The following PCDHGB3 variants were observed in gnomAD, a reference collection of about 807,000 sequenced individuals.
PCDHGB3 encodes the protein protocadherin gamma subfamily B, 3, also known as protocadherin gamma-B3.
A neutral mutation model predicts 59.2 loss-of-function variants in PCDHGB3; 40 were observed. That is an observed-to-expected ratio of 0.68 (90% CI 0.52 to 0.88). The LOEUF is 0.88. PCDHGB3 is among the 40% of genes least tolerant of loss of function. The probability of loss-of-function intolerance (pLI) is 0.00; values close to 1 mark genes in which losing one functional copy is unlikely to be tolerated. For missense variants in PCDHGB3, 1,309 were observed against 1,187.9 expected (o/e 1.10, Z -1.50); for synonymous variants, 581 against 503.6 (o/e 1.15, Z -2.06).
chr5:141,404,928 C>A lies in PCDHGB3; in HGVS notation c.2415+32119C>A, dbSNP rs145718404. The stretch of plus-strand genomic sequence containing the variant: ...CAGCCCCCTCTCTCGGCCACTGTCA[C>A]GCTCACAGTAGCCATAGCTGACAGC... On this transcript the variant is annotated intron_variant, in intron 1 of 3. Coordinates refer to ENST00000576222, the MANE Select transcript of PCDHGB3 (RefSeq NM_018924.5). The A allele has an allele frequency of 1.9e-6, 3 of 1,613,866 alleles. No individual in the cohort carries two copies. In the South Asian group the frequency reaches 3.3e-5, roughly 18 times the overall value.
At chr5:141,384,879 C>T (rs771003299) in intron 1 of PCDHGB3, 1 of 1,613,874 alleles carries the variant, frequency 6.2e-7, no homozygotes, top group Middle Eastern at 1.6e-4. Context: ...CCGTCACACT[C>T]ACCGTGGCTG....
In PCDHGB3 at chr5:141,431,628, A is replaced by C. The variant is rs1204083567; in HGVS notation, c.2415+58819A>C. Reference sequence around the variant, plus strand: ...CGGTATGTGGACGACAAGGCGGCCCAAGTTTTCAAACTAGATTGTAATTCA... The same window carrying C: ...CGGTATGTGGACGACAAGGCGGCCCCAGTTTTCAAACTAGATTGTAATTCA... On this transcript the variant is annotated intron_variant, in intron 1 of 3. Coordinates refer to ENST00000576222, the MANE Select transcript of PCDHGB3 (RefSeq NM_018924.5). The surrounding 1 kb of genome is among the most constrained non-coding windows in gnomAD (Gnocchi z 4.8). 1 of 1,614,256 alleles carries C rather than the reference A, an allele frequency of 6.2e-7. No individual in the cohort carries two copies. The highest frequency in any genetic ancestry group is 8.5e-7 in the Non-Finnish European group (1 of 1,180,050).
At chr5:141,401,610 A>AC (rs1186420148) in intron 1 of PCDHGB3, among the ~76,000 whole-genome samples, 1 of 152,212 alleles carries the variant, frequency 6.6e-6, no homozygotes, top group Non-Finnish European at 1.5e-5. Flanking sequence ...GGAAAAAGAC[A>AC]CCGGATTTGT....
At chr5:141,447,696 G>A (rs1273958794) in intron 1 of PCDHGB3, among the ~76,000 whole-genome samples, 1 of 152,096 alleles carries the variant, frequency 6.6e-6, no homozygotes, top group Non-Finnish European at 1.5e-5. Context: ...TAGAGGGATG[G>A]GTTATAAGGA....
At position 141,418,922 on chromosome 5, in the gene PCDHGB3, C is replaced by G. The variant is rs180948941; in HGVS notation, c.2415+46113C>G. The G allele has an allele frequency of 3.7e-6, 6 of 1,613,994 alleles. 1 individual carries two copies. In the Admixed American group the frequency reaches 6.7e-5, roughly 18 times the overall value. On this transcript the variant is annotated intron_variant, in intron 1 of 3. Coordinates refer to ENST00000576222, the MANE Select transcript of PCDHGB3 (RefSeq NM_018924.5). ...AATAATCATCACGTCACTCTCTGAT[C>G]AGATTATGGAGGATTCCCCTCCAGG...
intron 1 of PCDHGB3, chr5:141,427,017 TAC>T (rs764268354): frequency 2.2e-5 from 10 of 456,792 alleles, no homozygotes; most frequent in South Asian, 1.4e-4. Context: ...CCAGGATGTA[TAC>T]AAAGTCAGCC....
Position 141,404,312 on chromosome 5 carries a change from C to T in PCDHGB3, c.2415+31503C>T. On this transcript the variant is annotated intron_variant, in intron 1 of 3. Transcript: ENST00000576222. ...CAATGATAATCCACCTGCTTTCTCT[C>T]AAGCCTCCTACTCAGTCTACCTCCC... is the stretch of plus-strand genomic sequence containing the variant. 1.9e-6 allele frequency: 3 copies of T among 1,613,956 alleles called. No individual in the cohort carries two copies. The Middle Eastern group carries it at 4.9e-4, about 266-fold the overall frequency.
At chr5:141,392,694 CCT>C in intron 1 of PCDHGB3, 4 of 1,186,390 alleles carry the variant, frequency 3.4e-6, no homozygotes, top group Non-Finnish European at 4.6e-6. Flanking sequence ...AAACCCGACC[CCT>C]GTTTGGAGGC....
rs114740440 is a variant in PCDHGB3 at position 141,426,595 on chromosome 5, C to T, written c.2415+53786C>T. The T allele has an allele frequency of 4.0e-3, 1,518 of 375,912 alleles. 5 individuals carry two copies. Among genetic ancestry groups the T allele is most frequent in the Non-Finnish European group, 5.9e-3 (1,105 of 185,722 alleles). 23.3% of individuals were successfully genotyped at this position (375,912 alleles called of 1,614,324 possible). ...GTCTTCAAAATCCTCTGTGTCATAC[C>T]CTTAGAGATTGTAGCAGAGAATCCT... On this transcript the variant is annotated intron_variant, in intron 1 of 3. Coordinates refer to ENST00000576222, the MANE Select transcript of PCDHGB3 (RefSeq NM_018924.5).
chr5:141,419,809 A>G (rs1181621732), intron 1 of PCDHGB3: 2 of 1,613,916 alleles, frequency 1.2e-6, no homozygotes, highest in African/African-American at 2.7e-5. Flanking sequence ...GAGATGGAGG[A>G]CAGCCACCCC....
chr5:141,446,692 G>T (rs543476108), intron 1 of PCDHGB3, among the ~76,000 whole-genome samples: 2 of 152,280 alleles, frequency 1.3e-5, no homozygotes, highest in African/African-American at 4.8e-5. Context: ...TGGCCAGGCT[G>T]GTCTCGAACT....
At chr5:141,383,695 G>A (rs373055594) in intron 1 of PCDHGB3, 5 of 1,613,974 alleles carry the variant, frequency 3.1e-6, no homozygotes, top group Non-Finnish European at 3.4e-6. Flanking sequence ...CACGGTACAT[G>A]CTATCGACCT....
chr5:141,452,884 A>C (rs746547069), intron 1 of PCDHGB3, among the ~76,000 whole-genome samples: 1 of 152,204 alleles, frequency 6.6e-6, no homozygotes, highest in Non-Finnish European at 1.5e-5. Flanking sequence ...GTAATAATTT[A>C]TTCCACTTTT....
intron 1 of PCDHGB3, chr5:141,391,235 G>A (rs939140536): frequency 6.6e-6 from 1 of 151,890 alleles, no homozygotes; most frequent in Admixed American, 6.6e-5. Flanking sequence ...CTTTTGCTAG[G>A]TATATCTAAG....
rs60063068 is a variant in PCDHGB3, at chr5:141,477,262, C to T, written c.2416-17545C>T. The T allele has an allele frequency of 1.9e-4, 313 of 1,614,138 alleles. No individual in the cohort carries two copies. In the African/African-American group the frequency reaches 3.7e-3, roughly 19 times the overall value. On this transcript the variant is annotated intron_variant, in intron 1 of 3. Coordinates refer to ENST00000576222, the MANE Select transcript of PCDHGB3 (RefSeq NM_018924.5). This position sits in a 1 kb window ranked among gnomAD's most constrained non-coding sequence, Gnocchi z 4.9. ...TCAGTGTGACTGACCTGGATGCTGG[C>T]GAGAACGGGCTGGTGACCTGCGAAG...
At chr5:141,501,016 G>A (rs1042009106) in intron 2 of PCDHGB3, among the ~76,000 whole-genome samples, 7 of 151,716 alleles carry the variant, frequency 4.6e-5, no homozygotes, top group Non-Finnish European at 1.0e-4. Context: ...CTACAGGCAC[G>A]CGCCACCACG....
chr5:141,485,821 T>C lies in PCDHGB3; in HGVS notation c.2416-8986T>C, dbSNP rs765768266. 4 of 1,614,134 alleles carry C rather than the reference T, an allele frequency of 2.5e-6. No homozygotes were observed. Among genetic ancestry groups the C allele is most frequent in the Admixed American group, 1.7e-5 (1 of 60,014 alleles). ...ACCGCCTGGTGCTGACTGCTGTCGATGGAGGGAACCCGCCGAGATCTGGCA... is the reference window on the plus strand; with the variant it reads ...ACCGCCTGGTGCTGACTGCTGTCGACGGAGGGAACCCGCCGAGATCTGGCA... On this transcript the variant is annotated intron_variant, in intron 1 of 3. Coordinates refer to ENST00000576222, the MANE Select transcript of PCDHGB3 (RefSeq NM_018924.5). This position sits in a 1 kb window ranked among gnomAD's most constrained non-coding sequence, Gnocchi z 5.7.
chr5:141,374,941 A>G, intron 1 of PCDHGB3: 1 of 1,614,040 alleles, frequency 6.2e-7, no homozygotes, highest in Non-Finnish European at 8.5e-7. Context: ...AGATTACAGA[A>G]AAGATCTCAC....
At position 141,476,395 on chromosome 5, in the gene PCDHGB3, T is replaced by C. The variant is rs545562470; in HGVS notation, c.2416-18412T>C. 4 of 1,614,020 alleles carry C rather than the reference T, an allele frequency of 2.5e-6. 1 individual carries two copies. In the South Asian group the frequency reaches 4.4e-5, roughly 18 times the overall value. On this transcript the variant is annotated intron_variant, in intron 1 of 3. Transcript: ENST00000576222. This position sits in a 1 kb window ranked among gnomAD's most constrained non-coding sequence, Gnocchi z 7.6. ...AGATGTTTGTGAACGACCGTCTGGATCGAGAGGAGCTGTGTGGGACACTGC... is the reference window on the plus strand; with the variant it reads ...AGATGTTTGTGAACGACCGTCTGGACCGAGAGGAGCTGTGTGGGACACTGC...
Sources: gnomAD v4.1 joint callset for allele counts (sites outside exome capture counted in the v4.1 genomes callset) on GRCh38, gnomAD v4.1.1 for gene constraint, Gnocchi (gnomAD v3.1) non-coding constraint, MANE v1.5 for transcripts, NCBI Gene and HGNC (gene_info 2026-07-23, HGNC 2026-07-21) for gene names.